Variants in EP400 observed in about 807,000 individuals in gnomAD.
EP400 encodes E1A binding protein p400, also known as E1A-binding protein p400.
In EP400, 105 loss-of-function variants were observed where a neutral mutation model predicts 354.1. The observed-to-expected ratio is 0.30, with a 90% CI of 0.25 to 0.35. EP400 has a LOEUF of 0.35. Ranked by LOEUF, EP400 falls within the 10% of genes least tolerant of loss-of-function variation. EP400 has a pLI of 1.00. For missense variants in EP400, 3,280 were observed against 4,121.0 expected (o/e 0.80, Z 5.59); for synonymous variants, 1,646 against 1,716.9 (o/e 0.96, Z 1.02).
At chr12:132,068,676 G>T (rs1440713646) in intron 50 of EP400, 1 of 152,326 alleles carries the variant, frequency 6.6e-6, no homozygotes, top group East Asian at 1.9e-4. Context: ...CCGTGGCCGG[G>T]TTCCAAAGAC....
In EP400 at chr12:132,027,475, G is replaced by A. The variant is rs1320001392; in HGVS notation, c.5053G>A (p.Val1685Ile). Reference protein sequence around the residue: ...PGRVAVNALAVGEPGTASKPA... With the variant: ...PGRVAVNALAIGEPGTASKPA... ...CCGCGTGGCGGTGAATGCCTTGGCTGTAGGAGAACCCGGAACGGCCTCCAA... is the reference window on the plus strand; with the variant it reads ...CCGCGTGGCGGTGAATGCCTTGGCTATAGGAGAACCCGGAACGGCCTCCAA... The change falls in exon 26 of 53, where the codon GTA becomes ATA. Residue 1685 changes from valine (V) to isoleucine (I), a missense_variant. By Grantham distance (29) the Val-to-Ile change is conservative (BLOSUM62 3). This residue lies in a region of EP400 where 459 missense variants were observed against 496.9 expected (regional missense o/e 0.92). Transcript: ENST00000389561. This position sits in a 1 kb window ranked among gnomAD's most constrained non-coding sequence, Gnocchi z 4.9. 2 of 1,613,950 alleles carry A rather than the reference G, an allele frequency of 1.2e-6. No individual in the cohort carries two copies. Among genetic ancestry groups the A allele is most frequent in the East Asian group, 2.2e-5 (1 of 44,890 alleles).
intron 39 of EP400, among the ~76,000 whole-genome samples, chr12:132,046,332 C>T (rs183339731): frequency 1.3e-5 from 2 of 152,256 alleles, no homozygotes; most frequent in East Asian, 3.9e-4. Flanking sequence ...ATGAGGGTGT[C>T]ATCCAAACAC....
At position 131,996,837 on chromosome 12, in the gene EP400, G is replaced by A. The variant is rs1893232501; in HGVS notation, c.2827+1881G>A. ...GTTTTCTTTCCTTATTGACTTGTTGGTGATGGTCTTTATATATTCTGGACA... is the reference window on the plus strand; with the variant it reads ...GTTTTCTTTCCTTATTGACTTGTTGATGATGGTCTTTATATATTCTGGACA... On this transcript the variant is annotated intron_variant, in intron 12 of 52. Coordinates refer to ENST00000389561, the MANE Select transcript of EP400 (RefSeq NM_015409.5). Among the ~76,000 whole-genome samples the A allele has an allele frequency of 2.0e-5, 3 of 152,032 alleles. 1 individual carries two copies. Among genetic ancestry groups the A allele is most frequent in the Admixed American group, 6.6e-5 (1 of 15,256 alleles).
intron 45 of EP400, among the ~76,000 whole-genome samples, chr12:132,056,284 T>C (rs1444313937): frequency 6.6e-6 from 1 of 152,124 alleles, no homozygotes; most frequent in Non-Finnish European, 1.5e-5. Context: ...ATGTAGTCTC[T>C]CTTGGGTTTT....
intron 2 of EP400, among the ~76,000 whole-genome samples, chr12:131,969,045 CTT>C (rs111450529): frequency 1.4e-5 from 2 of 142,118 alleles, no homozygotes; most frequent in African/African-American, 2.6e-5. Context: ...CTTTACTTTT[CTT>C]TTTTTTTTTT....
At chr12:132,043,562 A>G (rs1894984591) in intron 33 of EP400, 83 bp from the exon 34 acceptor site, 3 of 1,578,398 alleles carry the variant, frequency 1.9e-6, no homozygotes, top group South Asian at 1.2e-5. Context: ...TTTGATTCAA[A>G]TGTTGGTTAG....
At chr12:132,051,340 A>G (rs1477625359) in intron 41 of EP400, among the ~76,000 whole-genome samples, 1 of 152,182 alleles carries the variant, frequency 6.6e-6, no homozygotes, top group Non-Finnish European at 1.5e-5. Flanking sequence ...AAATAAAGAC[A>G]CAAGACAGAG....
intron 51 of EP400, among the ~76,000 whole-genome samples, chr12:132,071,130 CAG>C (rs1896054358): frequency 1.3e-5 from 2 of 152,286 alleles, no homozygotes; most frequent in South Asian, 4.1e-4. Context: ...GTGTTTTTGT[CAG>C]AGTAAGAAAA....
intron 52 of EP400, 41 bp downstream of exon 52, chr12:132,076,634 G>A: frequency 6.5e-7 from 1 of 1,549,610 alleles, no homozygotes; most frequent in Non-Finnish European, 8.8e-7. Context: ...CATTTCCCAG[G>A]TCAGAGAATG....
At chr12:132,069,846 G>A (rs1896017843) in intron 51 of EP400, among the ~76,000 whole-genome samples, 1 of 152,284 alleles carries the variant, frequency 6.6e-6, no homozygotes, top group South Asian at 2.1e-4. Flanking sequence ...TCCAGCTGTC[G>A]CCAGCTTTGC....
In EP400 at chr12:131,950,000, C is replaced by T. The variant is rs1455049924; in HGVS notation, c.-72C>T. The T allele has an allele frequency of 6.6e-6, 1 of 151,850 alleles. No homozygotes were observed. The allele number at this position is 151,850 out of a possible 1,614,324, so 9.4% of individuals were successfully genotyped here. ...GCGGCGCGGCTTCCATCCTCCCGCCCTCCTGACGCGGCCGGAGCGCAGCCC... is the reference window on the plus strand; with the variant it reads ...GCGGCGCGGCTTCCATCCTCCCGCCTTCCTGACGCGGCCGGAGCGCAGCCC... On this transcript the variant is annotated 5_prime_UTR_variant, in exon 1 of 53. Coordinates refer to ENST00000389561, the MANE Select transcript of EP400 (RefSeq NM_015409.5).
rs1444998044 is a variant in EP400 at position 131,981,486 on chromosome 12, T to C, written c.1436-3T>C. On this transcript the variant is annotated splice_polypyrimidine_tract_variant and splice_region_variant and intron_variant, in intron 3 of 52. Transcript: ENST00000389561. ...ACTGCACCTTTTTTGAAAATTATTCTAGAGCAGTCTAAGAGGCCTCGCCTT... is the reference window on the plus strand; with the variant it reads ...ACTGCACCTTTTTTGAAAATTATTCCAGAGCAGTCTAAGAGGCCTCGCCTT... The C allele has an allele frequency of 1.3e-6, 2 of 1,560,772 alleles. No individual in the cohort carries two copies. Among genetic ancestry groups the C allele is most frequent in the Non-Finnish European group, 1.7e-6 (2 of 1,151,478 alleles).
rs560866345 is a variant in EP400 at position 132,067,990 on chromosome 12, C to G, written c.8874+504C>G. ...ACGTGGATGGGGGCGCAGCAGGGCA[C>G]TGGGCTCCAAGGGCGTCTACAGTCT... On this transcript the variant is annotated intron_variant, in intron 50 of 52. Transcript: ENST00000389561. The surrounding 1 kb of genome is among the most constrained non-coding windows in gnomAD (Gnocchi z 5.3). 1.4e-4 allele frequency: 22 copies of G among 156,116 alleles called. No individual in the cohort carries two copies. In the South Asian group the frequency reaches 3.6e-3, roughly 26 times the overall value. 9.7% of individuals were successfully genotyped at this position (156,116 alleles called of 1,614,324 possible).
chr12:132,006,350 G>C, intron 14 of EP400, 48 bp downstream of exon 14: 1 of 1,583,522 alleles, frequency 6.3e-7, no homozygotes, highest in Non-Finnish European at 8.6e-7. Context: ...GAGAGACAGA[G>C]CACATAGCTT....
At position 132,017,690 on chromosome 12, in the gene EP400, T is replaced by C; in HGVS notation, c.4079T>C (p.Ile1360Thr). ...GPLEYPSASL[I>T]LKALERDFWK... Reference sequence around the variant, plus strand: ...CTGGAGTATCCGTCCGCATCTCTAATCCTGAAGGCACTGGAGAGAGATTTC... The same window carrying C: ...CTGGAGTATCCGTCCGCATCTCTAACCCTGAAGGCACTGGAGAGAGATTTC... The change falls in exon 20 of 53, where the codon ATC (isoleucine) becomes ACC (threonine). Residue 1360 changes from isoleucine (I) to threonine (T), a missense_variant. Transcript: ENST00000389561. The surrounding 1 kb of genome is among the most constrained non-coding windows in gnomAD (Gnocchi z 5.0). 6.4e-7 allele frequency: 1 copy of C among 1,550,876 alleles called. No homozygotes were observed. The highest frequency in any genetic ancestry group is 1.4e-5 in the African/African-American group (1 of 72,508).
At position 131,960,707 on chromosome 12, in the gene EP400, G is replaced by GCTCCC; in HGVS notation, c.89_90insTCCCC (p.His31ProfsTer33). The stretch of plus-strand genomic sequence containing the variant: ...TGGCAGCGAGGGTGAGGAGCAGCCG[G>GCTCCC]CCCACCCCAACCCACCCCCGTCCCC... On this transcript the variant is annotated frameshift_variant, in exon 2 of 53. Transcript: ENST00000389561. LOFTEE classifies it high-confidence loss of function. The GCTCCC allele has an allele frequency of 6.5e-7, 1 of 1,545,590 alleles. No homozygotes were observed. Among genetic ancestry groups the GCTCCC allele is most frequent in the Non-Finnish European group, 8.7e-7 (1 of 1,146,246 alleles).
At chr12:132,055,431 ATGTGTGTGTGTGTGTGGTGTAGGGGTG>A (rs1593378045) in intron 45 of EP400, among the ~76,000 whole-genome samples, 2 of 144,560 alleles carry the variant, frequency 1.4e-5, no homozygotes, top group East Asian at 4.2e-4. Flanking sequence ...GAGGTGGGGT[ATGTGTGTGTGTGTGTGGTGTAGGGGTG>A]TGTGTGTGTG....
In EP400 at chr12:132,006,293, C is replaced by T. The variant is rs1051046685; in HGVS notation, c.3117C>T (p.Val1039=). 1.2e-6 allele frequency: 2 copies of T among 1,614,072 alleles called. No homozygotes were observed. Among genetic ancestry groups the T allele is most frequent in the South Asian group, 2.2e-5 (2 of 91,056 alleles). The change falls in exon 14 of 53, where the codon GTC becomes GTT. Residue 1039 remains valine, a synonymous_variant. Transcript: ENST00000389561. ...EAILPKGSAR[V]TTSVKFNAPS... is the part of the protein sequence containing the mutation. Reference sequence around the variant, plus strand: ...TCCTGCCGAAGGGCAGTGCTCGGGTCACAACCTCGGTGAGGCGCTAAGCTT... The same window carrying T: ...TCCTGCCGAAGGGCAGTGCTCGGGTTACAACCTCGGTGAGGCGCTAAGCTT...
rs1367548272 is a variant in EP400 at position 131,982,546 on chromosome 12, C to CA, written c.1929+69dup. ...ATTTGCTGGCTACCTGTGTGTTAGA[C>CA]AGAGTGTCACACCACACTGTAATTT... On this transcript the variant is annotated intron_variant, in intron 5 of 52. Transcript: ENST00000389561. 12 of 1,518,276 alleles carry CA rather than the reference C, an allele frequency of 7.9e-6. No homozygotes were observed. The East Asian group carries it at 2.7e-4, about 35-fold the overall frequency. 94.1% of individuals were successfully genotyped at this position (1,518,276 alleles called of 1,614,324 possible). A position where few individuals can be genotyped will look rare whatever the true frequency, so the allele number is the denominator to read the frequency against.
Sources: allele counts gnomAD v4.1 joint callset (sites outside exome capture counted in the v4.1 genomes callset), GRCh38; gene constraint gnomAD v4.1.1; regional missense constraint gnomAD v4.1.1; non-coding constraint Gnocchi (gnomAD v3.1); transcripts MANE v1.5; gene names NCBI Gene and HGNC (gene_info 2026-07-23, HGNC 2026-07-21).